MFAP5: variants seen among roughly 807,000 people sequenced by gnomAD.
The protein encoded by MFAP5 is microfibril associated protein 5, also known as microfibrillar-associated protein 5.
A neutral mutation model predicts 30.1 loss-of-function variants in MFAP5; 19 were observed. That is an observed-to-expected ratio of 0.63 (90% CI 0.44 to 0.93). The LOEUF (loss-of-function observed/expected upper bound fraction) is 0.93, where lower values mean the gene tolerates loss of function less well. MFAP5 is among the 40% of genes least tolerant of loss of function. The pLI is 0.00. For missense variants in MFAP5, 210 were observed against 221.3 expected (o/e 0.95, Z 0.32); for synonymous variants, 92 against 72.9 (o/e 1.26, Z -1.33).
intron 8 of MFAP5, among the ~76,000 whole-genome samples, chr12:8,650,048 T>C (rs767395841): frequency 3.3e-5 from 5 of 152,334 alleles, no homozygotes; most frequent in East Asian, 1.9e-4. Context: ...TTTCATTGTT[T>C]AGTTACTTCA....
chr12:8,652,866 C>T (rs1023322428), intron 6 of MFAP5, among the ~76,000 whole-genome samples: 1 of 152,060 alleles, frequency 6.6e-6, no homozygotes, highest in African/African-American at 2.4e-5. Flanking sequence ...TGAATGAGAC[C>T]ACCATCCACC....
intron 3 of MFAP5, 37 bp from the exon 4 acceptor site, chr12:8,655,867 C>G: frequency 6.4e-7 from 1 of 1,572,418 alleles, no homozygotes; most frequent in Non-Finnish European, 8.7e-7. Context: ...CTGAGATTCT[C>G]TGTCTCCCTG....
chr12:8,655,740 C>A (rs1160953252), intron 4 of MFAP5, 46 bp downstream of exon 4: 2 of 1,580,618 alleles, frequency 1.3e-6, no homozygotes, highest in South Asian at 1.1e-5. Context: ...CTTTATCTAT[C>A]CCCAATAAAA....
chr12:8,655,966 C>A, intron 3 of MFAP5, 136 bp from the exon 4 acceptor site: 2 of 682,822 alleles, frequency 2.9e-6, no homozygotes, highest in African/African-American at 1.8e-5. Flanking sequence ...TGACTGCTTA[C>A]AATAATGACA....
chr12:8,654,454 G>T lies in MFAP5; in HGVS notation c.200C>A (p.Pro67His). The T allele has an allele frequency of 6.2e-7, 1 of 1,603,944 alleles. No homozygotes were observed. Among genetic ancestry groups the T allele is most frequent in the Non-Finnish European group, 8.5e-7 (1 of 1,175,358 alleles). The change falls in exon 6 of 10, where the codon CCT (proline) becomes CAT (histidine). Residue 67 changes from proline (P) to histidine (H), a missense_variant. Pro to His is a moderately conservative substitution (Grantham distance 77). Coordinates refer to ENST00000359478, the MANE Select transcript of MFAP5 (RefSeq NM_003480.4). ...TVLAVLADIAPSTDDLASLSE... is the reference protein window; with the variant it reads ...TVLAVLADIAHSTDDLASLSE... Reference sequence around the variant, plus strand: ...GAACTCACCCAAGTCATCTGTGGAAGGTGCAATATCAGCCAAAACAGCCAA... The same window carrying T: ...GAACTCACCCAAGTCATCTGTGGAATGTGCAATATCAGCCAAAACAGCCAA...
intron 3 of MFAP5, among the ~76,000 whole-genome samples, chr12:8,659,322 A>G (rs1942086223): frequency 6.6e-6 from 1 of 151,758 alleles, no homozygotes; most frequent in African/African-American, 2.4e-5. Flanking sequence ...AAAAAAAAAA[A>G]ATAAAAGGGT....
intron 5 of MFAP5, among the ~76,000 whole-genome samples, chr12:8,654,742 T>C (rs1356587682): frequency 6.6e-6 from 1 of 151,620 alleles, no homozygotes; most frequent in East Asian, 1.9e-4. Flanking sequence ...GGTCAGGAGT[T>C]CAAGACCAGC....
rs1037733319 is a variant in MFAP5, at chr12:8,646,295, A to G, written c.*1796T>C. On this transcript the variant is annotated 3_prime_UTR_variant, in exon 10 of 10. Coordinates refer to ENST00000359478, the MANE Select transcript of MFAP5 (RefSeq NM_003480.4). ...TAAACGAAATTGTTTCTTAACAGCA[A>G]GAATCTGATCATTTAACTAGTTTTC... 1 of 152,230 alleles carries G rather than the reference A, an allele frequency of 6.6e-6. No individual in the cohort carries two copies. The highest frequency in any genetic ancestry group is 6.5e-5 in the Admixed American group (1 of 15,282). The allele number at this position is 152,230 out of a possible 1,614,324, so 9.4% of individuals were successfully genotyped here. A position where few individuals can be genotyped will look rare whatever the true frequency, so the allele number is the denominator to read the frequency against.
rs764397431 is a variant in MFAP5 at position 8,653,777 on chromosome 12, A to G, written c.217+660T>C. On this transcript the variant is annotated intron_variant, in intron 6 of 9. Coordinates refer to ENST00000359478, the MANE Select transcript of MFAP5 (RefSeq NM_003480.4). ...GTATATTACACAAAAGATGTCTAGT[A>G]GAAGAAAATCAGTTTTGTTCACTTT... Among the ~76,000 whole-genome samples the G allele has an allele frequency of 2.6e-5, 4 of 152,340 alleles. No homozygotes were observed. In the South Asian group the frequency reaches 8.3e-4, roughly 32 times the overall value.
In MFAP5 at chr12:8,652,933, T is replaced by C. The variant is rs140781876; in HGVS notation, c.218-1242A>G. On this transcript the variant is annotated intron_variant, in intron 6 of 9. Transcript: ENST00000359478. ...GGCTGGGCGTGGTGGCTCATGCCTG[T>C]AATCCCAGCACTTTGGGAGGCCAGG... Among the ~76,000 whole-genome samples the C allele has an allele frequency of 3.3e-4, 51 of 152,314 alleles. No homozygotes were observed. The East Asian group carries it at 8.3e-3, about 25-fold the overall frequency.
chr12:8,661,942 A>G, intron 2 of MFAP5, 105 bp downstream of exon 2: 1 of 1,090,978 alleles, frequency 9.2e-7, no homozygotes, highest in Non-Finnish European at 1.4e-6. Context: ...AATACCAAGC[A>G]TCTCTACTGC....
intron 3 of MFAP5, among the ~76,000 whole-genome samples, chr12:8,657,949 CAT>C (rs1448007969): frequency 6.6e-6 from 1 of 152,096 alleles, no homozygotes; most frequent in Non-Finnish European, 1.5e-5. Flanking sequence ...TTTTATAAAG[CAT>C]ATCAGAGTTA....
chr12:8,662,188 G>A (rs1942173838), intron 1 of MFAP5, 82 bp from the exon 2 acceptor site: 9 of 1,160,816 alleles, frequency 7.8e-6, no homozygotes, highest in Non-Finnish European at 1.1e-5. Context: ...ATGCCTCTGA[G>A]GTCCCTGTCT....
At position 8,650,552 on chromosome 12, in the gene MFAP5, G is replaced by GTA. The variant is rs749623760; in HGVS notation, c.283_284dup (p.Ser96ThrfsTer41). ...ATTGTTTAACCGGCCGATGCACAGA[G>GTA]TAGAGCCTTGTGCAGGTAAATTTCT... On this transcript the variant is annotated frameshift_variant, in exon 8 of 10. Transcript: ENST00000359478. LOFTEE classifies it high-confidence loss of function. 1.9e-6 allele frequency: 3 copies of GTA among 1,614,140 alleles called. No homozygotes were observed. In the Admixed American group the frequency reaches 5.0e-5, roughly 27 times the overall value.
At chr12:8,652,566 A>G (rs1941865444) in intron 6 of MFAP5, among the ~76,000 whole-genome samples, 3 of 152,240 alleles carry the variant, frequency 2.0e-5, no homozygotes, top group East Asian at 1.9e-4. Flanking sequence ...AGTTAGATGA[A>G]TAGACTAGTC....
In MFAP5 at chr12:8,654,471, A is replaced by G. The variant is rs771689915; in HGVS notation, c.183T>C (p.Val61=). 9 of 1,604,210 alleles carry G rather than the reference A, an allele frequency of 5.6e-6. No homozygotes were observed. The highest frequency in any genetic ancestry group is 1.7e-5 in the Admixed American group (1 of 58,500). ...DPATDETVLA[V]LADIAPSTDD... ...CTGTGGAAGGTGCAATATCAGCCAA[A>G]ACAGCCAAAACTGAAAAGGCACAAA... The change falls in exon 6 of 10, where the codon GTT becomes GTC. Residue 61 remains valine, a synonymous_variant. Coordinates refer to ENST00000359478, the MANE Select transcript of MFAP5 (RefSeq NM_003480.4).
At position 8,646,775 on chromosome 12, in the gene MFAP5, C is replaced by G. The variant is rs1214665208; in HGVS notation, c.*1316G>C. On this transcript the variant is annotated 3_prime_UTR_variant, in exon 10 of 10. Transcript: ENST00000359478. ...TCAGCCTCCCGAGTAGCTGGGATTA[C>G]AGGCACGTGCCACCACGCCCAGCTA... 1 of 152,074 alleles carries G rather than the reference C, an allele frequency of 6.6e-6. No individual in the cohort carries two copies. The highest frequency in any genetic ancestry group is 1.5e-5 in the Non-Finnish European group (1 of 68,024). The allele number at this position is 152,074 out of a possible 1,614,324, so 9.4% of individuals were successfully genotyped here.
Position 8,651,643 on chromosome 12 carries a change from A to T in MFAP5, c.247+19T>A, listed in dbSNP as rs1941841836. The T allele has an allele frequency of 6.2e-7, 1 of 1,613,520 alleles. No individual in the cohort carries two copies. Among genetic ancestry groups the T allele is most frequent in the Non-Finnish European group, 8.5e-7 (1 of 1,179,468 alleles). ...GGAAGAAAAAAAGGCTTAAGAAGGC[A>T]TGCAAGCAACAATCATACCTGCAGT... On this transcript the variant is annotated intron_variant, in intron 7 of 9. Transcript: ENST00000359478.
At chr12:8,648,391 T>G in intron 9 of MFAP5, 188 bp from the exon 10 acceptor site, 1 of 936,810 alleles carries the variant, frequency 1.1e-6, no homozygotes, top group Non-Finnish European at 1.5e-6. Context: ...TTAAATTTTA[T>G]AAACCTCACT....
Sources: gnomAD v4.1 joint callset for allele counts (sites outside exome capture counted in the v4.1 genomes callset) on GRCh38, gnomAD v4.1.1 for gene constraint, MANE v1.5 for transcripts, NCBI Gene and HGNC (gene_info 2026-07-23, HGNC 2026-07-21) for gene names.